The following USP45 variants were observed in gnomAD, a reference collection of about 807,000 sequenced individuals.
USP45 encodes the protein ubiquitin carboxyl-terminal hydrolase 45.
In USP45, 89 loss-of-function variants were observed where a neutral mutation model predicts 95.8. The observed-to-expected ratio is 0.93, with a 90% CI of 0.78 to 1.11. The LOEUF is 1.11. USP45 is among the 50% of genes least tolerant of loss of function. USP45 has a pLI of 0.00. For missense variants in USP45, 898 were observed against 942.5 expected (o/e 0.95, Z 0.62); for synonymous variants, 281 against 316.2 (o/e 0.89, Z 1.18).
intron 4 of USP45, among the ~76,000 whole-genome samples, chr6:99,505,247 C>T (rs1374286501): frequency 6.6e-6 from 1 of 152,266 alleles, no homozygotes; most frequent in East Asian, 1.9e-4. Flanking sequence ...ATTAAGTTTA[C>T]TCATTAATAC....
At chr6:99,485,940 G>A (rs890444184) in intron 7 of USP45, among the ~76,000 whole-genome samples, 4 of 152,068 alleles carry the variant, frequency 2.6e-5, no homozygotes, top group East Asian at 1.9e-4. Flanking sequence ...CATCCATTCC[G>A]ATAAAACTTT....
Position 99,434,682 on chromosome 6 carries a change from A to C in USP45, c.*1034T>G, listed in dbSNP as rs1266694370. The C allele has an allele frequency of 2.6e-5, 4 of 152,232 alleles. No homozygotes were observed. The highest frequency in any genetic ancestry group is 9.6e-5 in the African/African-American group (4 of 41,472). The allele number at this position is 152,232 out of a possible 1,614,324, so 9.4% of individuals were successfully genotyped here. On this transcript the variant is annotated 3_prime_UTR_variant, in exon 18 of 18. Transcript: ENST00000500704. ...GCTTGCTGAAGACAAAGTGATTTCA[A>C]AACCCCAAAACTGTGTTTAGTATTT...
At chr6:99,491,420 T>C (rs1795148901) in intron 5 of USP45, among the ~76,000 whole-genome samples, 1 of 152,232 alleles carries the variant, frequency 6.6e-6, no homozygotes, top group Admixed American at 6.5e-5. Flanking sequence ...TAGAATAGGA[T>C]GGGTTCAGAC....
rs535001414 is a variant in USP45, at chr6:99,457,491, C to T, written c.1308+7113G>A. ...TATGTGAATATTGGGGCAGGTTCCC[C>T]GATACCTGACTTGATCATGATACAT... is the stretch of plus-strand genomic sequence containing the variant. On this transcript the variant is annotated intron_variant, in intron 13 of 17. Coordinates refer to ENST00000500704, the MANE Select transcript of USP45 (RefSeq NM_001346022.3). Among the ~76,000 whole-genome samples the T allele has an allele frequency of 5.3e-5, 8 of 152,192 alleles. No homozygotes were observed. In the South Asian group the frequency reaches 1.5e-3, roughly 28 times the overall value.
intron 8 of USP45, among the ~76,000 whole-genome samples, chr6:99,481,027 G>A (rs1792270127): frequency 6.6e-6 from 1 of 152,168 alleles, no homozygotes. Flanking sequence ...GCATGCTTGA[G>A]CCCAGGAATT....
At chr6:99,465,955 T>G (rs906430229) in intron 11 of USP45, among the ~76,000 whole-genome samples, 1 of 152,158 alleles carries the variant, frequency 6.6e-6, no homozygotes, top group Non-Finnish European at 1.5e-5. Context: ...TCATATAAAC[T>G]TTAAATCAAA....
At chr6:99,437,985 C>G (rs943015992) in intron 16 of USP45, among the ~76,000 whole-genome samples, 1 of 152,182 alleles carries the variant, frequency 6.6e-6, no homozygotes, top group Admixed American at 6.5e-5. Flanking sequence ...TGTTATCAGG[C>G]TAAGTTCTGT....
chr6:99,493,270 C>T (rs769391751), intron 5 of USP45, among the ~76,000 whole-genome samples: 2 of 152,088 alleles, frequency 1.3e-5, no homozygotes, highest in Non-Finnish European at 1.5e-5. Context: ...AGGTGATCCA[C>T]CCTCCTTGGC....
At chr6:99,492,496 A>T (rs1039168924) in intron 5 of USP45, among the ~76,000 whole-genome samples, 3 of 146,126 alleles carry the variant, frequency 2.1e-5, no homozygotes, top group South Asian at 2.2e-4. Flanking sequence ...AGAAAATAGA[A>T]TTTTTTTTTT....
intron 8 of USP45, among the ~76,000 whole-genome samples, chr6:99,480,195 A>G (rs1316810394): frequency 1.3e-5 from 2 of 152,196 alleles, no homozygotes; most frequent in Non-Finnish European, 2.9e-5. Context: ...TAAATCTAAC[A>G]AAATATGTGC....
At chr6:99,516,972 C>T (rs1266015834), upstream of USP45, among the ~76,000 whole-genome samples, 1 of 152,084 alleles carries the variant, frequency 6.6e-6, no homozygotes, top group Non-Finnish European at 1.5e-5. Context: ...AAATACCATA[C>T]AATACTTAAA....
At chr6:99,509,249 G>C (rs1252320932) in intron 2 of USP45, among the ~76,000 whole-genome samples, 1 of 152,122 alleles carries the variant, frequency 6.6e-6, no homozygotes, top group East Asian at 1.9e-4. Context: ...TTCACAGGAA[G>C]GTATAAAGAA....
chr6:99,507,982 G>A (rs542552110), intron 3 of USP45, among the ~76,000 whole-genome samples: 1 of 152,288 alleles, frequency 6.6e-6, no homozygotes, highest in South Asian at 2.1e-4. Context: ...AGTCAAATCC[G>A]CTGAATCTTT....
chr6:99,466,915 G>C (rs1351592939), intron 10 of USP45, 152 bp from the exon 11 acceptor site: 1 of 588,750 alleles, frequency 1.7e-6, no homozygotes, highest in African/African-American at 1.9e-5. Context: ...ACATTCTAAA[G>C]TCTTTCTCCT....
Position 99,488,732 on chromosome 6 carries a change from T to C in USP45, c.567A>G (p.Val189=). The C allele has an allele frequency of 6.2e-7, 1 of 1,607,622 alleles. No individual in the cohort carries two copies. ...TATTTCCTAAATTTGTAATTCCTCT[T>C]ACAGATAAATTTCTGCATTTTCCTC... ...QKGGKCRNLS[V]RGITNLGNTC... Residue 189 remains valine (V), a synonymous_variant, in exon 6 of 18, where the codon GTA becomes GTG. Transcript: ENST00000500704.
rs1278878645 is a variant in USP45 at position 99,510,154 on chromosome 6, G to A, written c.67C>T (p.Pro23Ser). ...TCATCTGAAGAGTCTTCATCATGAG[G>A]TACAGTAGGCCTTTTACTTCTTTTG... is the stretch of plus-strand genomic sequence containing the variant. ...KAKRSKRPTV[P>S]HDEDSSDDIA... Residue 23 changes from proline (P) to serine (S), a missense_variant, in exon 2 of 18, where the codon CCT becomes TCT. Coordinates refer to ENST00000500704, the MANE Select transcript of USP45 (RefSeq NM_001346022.3). 2 of 1,613,748 alleles carry A rather than the reference G, an allele frequency of 1.2e-6. No individual in the cohort carries two copies. Among genetic ancestry groups the A allele is most frequent in the East Asian group, 2.2e-5 (1 of 44,872 alleles).
chr6:99,437,379 T>G lies in USP45; in HGVS notation c.2181A>C (p.Lys727Asn), dbSNP rs200316092. Residue 727 changes from lysine to asparagine, a missense_variant, in exon 17 of 18, where the codon AAA becomes AAC. Lys to Asn is a moderately conservative substitution (Grantham distance 94). Transcript: ENST00000500704. ...ATCKNASVGDKVLYGLYGIVE... is the reference protein window; with the variant it reads ...ATCKNASVGDNVLYGLYGIVE... ...CTATGCCATAGAGACCGTAGAGAAC[T>G]TTATCTCCCACACTTGCATTCTTTT... 1 of 1,600,694 alleles carries G rather than the reference T, an allele frequency of 6.2e-7. No individual in the cohort carries two copies. Among genetic ancestry groups the G allele is most frequent in the East Asian group, 2.2e-5 (1 of 44,670 alleles).
intron 1 of USP45, among the ~76,000 whole-genome samples, chr6:99,511,480 C>A (rs920288592): frequency 1.8e-4 from 27 of 152,036 alleles, no homozygotes; most frequent in African/African-American, 5.5e-4. Flanking sequence ...CAAAGTCTCA[C>A]TCTGATGGCC....
In USP45 at chr6:99,488,274, G is replaced by C; in HGVS notation, c.640C>G (p.Leu214Val). 1 of 1,610,924 alleles carries C rather than the reference G, an allele frequency of 6.2e-7. No individual in the cohort carries two copies. Among genetic ancestry groups the C allele is most frequent in the Non-Finnish European group, 8.5e-7 (1 of 1,178,906 alleles). Residue 214 changes from leucine to valine, a missense_variant, in exon 7 of 18, where the codon CTT becomes GTT. Leu to Val is a conservative substitution (Grantham distance 32, BLOSUM62 1). Coordinates refer to ENST00000500704, the MANE Select transcript of USP45 (RefSeq NM_001346022.3). The part of the protein sequence containing the change: ...VMQNLAQTYT[L>V]TDLMNEIKES... ...TTGATCTCATTCATCAGATCAGTAA[G>C]AGTATAAGTCTGTGCCAAGTTCTAA...
Sources: gnomAD v4.1 joint callset for allele counts (sites outside exome capture counted in the v4.1 genomes callset) on GRCh38, gnomAD v4.1.1 for gene constraint, MANE v1.5 for transcripts, NCBI Gene and HGNC (gene_info 2026-07-23, HGNC 2026-07-21) for gene names.